SCARB2: variants seen among roughly 807,000 people sequenced by gnomAD.
SCARB2 encodes lysosome membrane protein 2.
Under a neutral mutation model 58.6 loss-of-function variants are expected in SCARB2, and 29 were observed. That is an observed-to-expected ratio of 0.49 (90% CI 0.37 to 0.67). The LOEUF (loss-of-function observed/expected upper bound fraction) is 0.67. Among genes scored for constraint, SCARB2 ranks in the 30% least tolerant of loss-of-function variants. SCARB2 has a pLI of 0.00. For synonymous variants in SCARB2, 195 were observed against 210.1 expected, an observed-to-expected ratio of 0.93 and a Z score of 0.62; for missense variants, 488 against 578.5, an observed-to-expected ratio of 0.84 and a Z score of 1.60.
intron 1 of SCARB2, among the ~76,000 whole-genome samples, chr4:76,220,003 TAATGAGTAGTGTTTGCTTCAATTGC>T (rs1733281160): frequency 6.6e-6 from 1 of 152,244 alleles, no homozygotes; most frequent in Non-Finnish European, 1.5e-5. Flanking sequence ...TTCAGAATAT[TAATGAGTAGTGTTTGCTTCAATTGC>T]ACTGCAAGCT....
At chr4:76,214,091 G>A, upstream of SCARB2, 2 of 366,492 alleles carry the variant, frequency 5.5e-6, no homozygotes, top group South Asian at 3.9e-5. Flanking sequence ...TGCCGAACCT[G>A]GTTCACACAC....
At chr4:76,179,215 G>A in intron 4 of SCARB2, 1 of 374,322 alleles carries the variant, frequency 2.7e-6, no homozygotes. Flanking sequence ...CACCACAGCT[G>A]GCTAATTTTT....
rs901068554 is a variant in SCARB2 at position 76,161,056 on chromosome 4, A to T, written c.*657T>A. 1 of 153,248 alleles carries T rather than the reference A, an allele frequency of 6.5e-6. No individual in the cohort carries two copies. Among genetic ancestry groups the T allele is most frequent in the African/African-American group, 2.4e-5 (1 of 41,468 alleles). 9.5% of individuals were successfully genotyped at this position (153,248 alleles called of 1,614,324 possible). A position where few individuals can be genotyped will look rare whatever the true frequency, so the allele number is the denominator to read the frequency against. On this transcript the variant is annotated 3_prime_UTR_variant, in exon 12 of 12. Coordinates refer to ENST00000264896, the MANE Select transcript of SCARB2 (RefSeq NM_005506.4). Reference sequence around the variant, plus strand: ...AGTTAAAAATCCTTAGGAGCTTATCACTATCAACTCATGGGTATTGCCCCA... The same window carrying T: ...AGTTAAAAATCCTTAGGAGCTTATCTCTATCAACTCATGGGTATTGCCCCA...
At chr4:76,164,714 T>C (rs994254020) in intron 10 of SCARB2, 17 of 149,210 alleles carry the variant, frequency 1.1e-4, no homozygotes, top group Admixed American at 8.0e-4. Context: ...GGTGGGAGGA[T>C]CACTTGAGCC....
chr4:76,221,681 C>T (rs1733310729), intron 1 of SCARB2, among the ~76,000 whole-genome samples: 1 of 152,192 alleles, frequency 6.6e-6, no homozygotes, highest in South Asian at 2.1e-4. Flanking sequence ...CATGTTATCA[C>T]TTATTAGCTA....
At chr4:76,168,539 A>G in intron 8 of SCARB2, 63 bp from the exon 9 acceptor site, 1 of 1,339,438 alleles carries the variant, frequency 7.5e-7, no homozygotes, top group African/African-American at 1.4e-5. Context: ...AACTTTTTCA[A>G]TAGAGCACCA....
At chr4:76,179,929 A>G in intron 3 of SCARB2, 1 of 583,334 alleles carries the variant, frequency 1.7e-6, no homozygotes, top group South Asian at 1.9e-5. Context: ...ATATTTACAA[A>G]GAGACCATTT....
intron 8 of SCARB2, among the ~76,000 whole-genome samples, chr4:76,169,013 G>A (rs866698926): frequency 1.3e-5 from 2 of 152,176 alleles, no homozygotes; most frequent in South Asian, 4.1e-4. Context: ...GACTGTGTTC[G>A]TCCCTTGGTG....
intron 2 of SCARB2, 49 bp from the exon 3 acceptor site, chr4:76,181,150 A>T (rs1464208878): frequency 2.5e-6 from 4 of 1,571,720 alleles, no homozygotes; most frequent in Non-Finnish European, 3.5e-6. Context: ...CACTTTAATA[A>T]GCAAGACTTT....
intron 1 of SCARB2, among the ~76,000 whole-genome samples, chr4:76,206,694 A>G (rs1732937324): frequency 6.6e-6 from 1 of 151,374 alleles, no homozygotes; most frequent in Admixed American, 6.6e-5. Context: ...GAGAGCTTTC[A>G]TACTAGATTA....
At position 76,158,964 on chromosome 4, in the gene SCARB2, T is replaced by G. The variant is rs1162905742; in HGVS notation, c.*2749A>C. 6 of 152,206 alleles carry G rather than the reference T, an allele frequency of 3.9e-5. No individual in the cohort carries two copies. Among genetic ancestry groups the G allele is most frequent in the Non-Finnish European group, 5.9e-5 (4 of 68,038 alleles). 9.4% of individuals were successfully genotyped at this position (152,206 alleles called of 1,614,324 possible). A position where few individuals can be genotyped will look rare whatever the true frequency, so the allele number is the denominator to read the frequency against. On this transcript the variant is annotated 3_prime_UTR_variant, in exon 12 of 12. Coordinates refer to ENST00000264896, the MANE Select transcript of SCARB2 (RefSeq NM_005506.4). ...ATCTCGAGCAGTTTAAATTAAAAATTAGCCTCCCTTAAGTTAAAAACCCCA... is the reference window on the plus strand; with the variant it reads ...ATCTCGAGCAGTTTAAATTAAAAATGAGCCTCCCTTAAGTTAAAAACCCCA...
intron 1 of SCARB2, among the ~76,000 whole-genome samples, chr4:76,227,554 T>C (rs1255214617): frequency 6.6e-6 from 1 of 152,154 alleles, no homozygotes; most frequent in Admixed American, 6.5e-5. Context: ...CTATCTGGGG[T>C]ATAGTTTCAG....
At chr4:76,199,312 G>T (rs1194608717) in intron 1 of SCARB2, among the ~76,000 whole-genome samples, 1 of 152,144 alleles carries the variant, frequency 6.6e-6, no homozygotes, top group Non-Finnish European at 1.5e-5. Flanking sequence ...TAAAACCTGG[G>T]ATACCCAGTT....
Position 76,213,476 on chromosome 4 carries a change from A to G in SCARB2, c.68T>C (p.Leu23Pro), listed in dbSNP as rs1733110393. The G allele has an allele frequency of 6.2e-7, 1 of 1,611,266 alleles. No homozygotes were observed. Among genetic ancestry groups the G allele is most frequent in the Non-Finnish European group, 8.5e-7 (1 of 1,178,810 alleles). Residue 23 changes from leucine (L) to proline (P), a missense_variant, in exon 1 of 12, where the codon CTG becomes CCG. Coordinates refer to ENST00000264896, the MANE Select transcript of SCARB2 (RefSeq NM_005506.4). ...SLLLLVTSVT[L>P]LVARVFQKAV... ...CTTCTGGAAGACCCGGGCCACCAGC[A>G]GCGTGACGCTGGTCACCAGCAGGAG...
chr4:76,169,946 G>A lies in SCARB2; in HGVS notation c.1034C>T (p.Ala345Val). The change falls in exon 8 of 12, where the codon GCA (alanine) becomes GTA (valine). Residue 345 changes from alanine (A) to valine (V), a missense_variant. Ala to Val is a moderately conservative substitution (Grantham distance 64, BLOSUM62 0). Transcript: ENST00000264896. Reference protein sequence around the residue: ...IIMSFPHFYQADERFVSAIEG... With the variant: ...IIMSFPHFYQVDERFVSAIEG... ...TATGGCAGAAACAAACCTCTCATCT[G>A]CTTGGTAAAAGTGTGGGAAAGACAT... The A allele has an allele frequency of 6.2e-7, 1 of 1,614,014 alleles. No individual in the cohort carries two copies. The highest frequency in any genetic ancestry group is 8.5e-7 in the Non-Finnish European group (1 of 1,179,958).
chr4:76,179,926 CAA>C (rs1732344705), intron 3 of SCARB2: 2 of 585,458 alleles, frequency 3.4e-6, no homozygotes, highest in South Asian at 1.9e-5. Flanking sequence ...GTAATATTTA[CAA>C]AGAGACCATT....
intron 1 of SCARB2, among the ~76,000 whole-genome samples, chr4:76,207,111 T>C (rs1469511489): frequency 6.6e-6 from 1 of 152,204 alleles, no homozygotes; most frequent in African/African-American, 2.4e-5. Flanking sequence ...AAGACCTTCT[T>C]AGGAGGCGCC....
chr4:76,173,961 G>T (rs946901566), intron 7 of SCARB2, 183 bp downstream of exon 7: 2 of 686,014 alleles, frequency 2.9e-6, no homozygotes, highest in Admixed American at 2.3e-5. Flanking sequence ...AGAGACAGTG[G>T]TCTCGCCATG....
chr4:76,164,767 G>C (rs6856933), intron 10 of SCARB2: 34,131 of 149,604 alleles, frequency 0.23, 4,896 homozygotes, highest in African/African-American at 0.41. Context: ...CACCACTGTA[G>C]AGGGTGAGAG....
Sources: allele counts gnomAD v4.1 joint callset (sites outside exome capture counted in the v4.1 genomes callset), GRCh38; gene constraint gnomAD v4.1.1; transcripts MANE v1.5; gene names NCBI Gene and HGNC (gene_info 2026-07-23, HGNC 2026-07-21).